PYROXD1: variants seen among roughly 807,000 people sequenced by gnomAD.
PYROXD1 encodes the protein tRNA ligase complex-associated NAD(P)H dehydrogenase PYROXD1.
PYROXD1 carries 42 observed loss-of-function variants against 62.0 expected under a neutral mutation model. The observed-to-expected ratio is 0.68, with a 90% CI of 0.53 to 0.88. The LOEUF (loss-of-function observed/expected upper bound fraction) is 0.88. Among genes scored for constraint, PYROXD1 ranks in the 40% least tolerant of loss-of-function variants. The pLI is 0.00. For synonymous variants in PYROXD1, 170 were observed against 206.4 expected (o/e 0.82, Z 1.51); for missense variants, 493 against 604.8 (o/e 0.82, Z 1.94).
rs35105508 is a variant in PYROXD1 at position 21,440,666 on chromosome 12, CA to C, written c.165+219del. On this transcript the variant is annotated intron_variant, in intron 2 of 11. Transcript: ENST00000240651. ...TTGGATGCCTTTTATTTCTTTCTGT[CA>C]CCTAATTTAATTGCTCTAGCTAGGA... 0.38 allele frequency among the ~76,000 whole-genome samples: 58,004 copies of C among 151,790 alleles called. 11,301 individuals are homozygous for C. The highest frequency in any genetic ancestry group is 0.48 in the Middle Eastern group (139 of 292).
At chr12:21,461,794 G>A (rs1591954392) in intron 8 of PYROXD1, among the ~76,000 whole-genome samples, 1 of 152,088 alleles carries the variant, frequency 6.6e-6, no homozygotes, top group African/African-American at 2.4e-5. Flanking sequence ...AAAATGCCAT[G>A]GTTTTAAAAT....
In PYROXD1 at chr12:21,470,665, T is replaced by C. The variant is rs1942926836; in HGVS notation, c.*1911T>C. 1 of 307,876 alleles carries C rather than the reference T, an allele frequency of 3.2e-6. No individual in the cohort carries two copies. Among genetic ancestry groups the C allele is most frequent in the African/African-American group, 2.2e-5 (1 of 46,038 alleles). 19.1% of individuals were successfully genotyped at this position (307,876 alleles called of 1,614,324 possible). ...AACCACTGGAACAGCAGAAACAGAC[T>C]TCTCAACTATTAGTAATCACAACCA... On this transcript the variant is annotated 3_prime_UTR_variant, in exon 12 of 12. Coordinates refer to ENST00000240651, the MANE Select transcript of PYROXD1 (RefSeq NM_024854.5).
At chr12:21,449,806 C>A in intron 4 of PYROXD1, 115 bp downstream of exon 4, 2 of 803,136 alleles carry the variant, frequency 2.5e-6, no homozygotes, top group Non-Finnish European at 3.9e-6. Context: ...ATTTTTGTTT[C>A]ATGACCAGTA....
chr12:21,465,488 A>G (rs1942774940), intron 10 of PYROXD1, among the ~76,000 whole-genome samples: 2 of 151,578 alleles, frequency 1.3e-5, no homozygotes, highest in South Asian at 2.1e-4. Context: ...GTGTCTGTTC[A>G]TATCCTTCGC....
chr12:21,440,005 A>G (rs142906731), intron 1 of PYROXD1, among the ~76,000 whole-genome samples: 1 of 152,356 alleles, frequency 6.6e-6, no homozygotes, highest in East Asian at 1.9e-4. Flanking sequence ...TAAGATAAAT[A>G]GAAGTTGGTT....
In PYROXD1 at chr12:21,462,076, A is replaced by G; in HGVS notation, c.949A>G (p.Thr317Ala). ...TGGCTGCGATTTCATTGTCAGTGCT[A>G]CAGGAGTTACACCAAATGTAGAACC... ...IYGCDFIVSATGVTPNVEPFL... is the reference protein window; with the variant it reads ...IYGCDFIVSAAGVTPNVEPFL... The change falls in exon 9 of 12, where the codon ACA becomes GCA. Residue 317 changes from threonine (T) to alanine (A), a missense_variant. Coordinates refer to ENST00000240651, the MANE Select transcript of PYROXD1 (RefSeq NM_024854.5). The G allele has an allele frequency of 1.2e-6, 2 of 1,612,942 alleles. No homozygotes were observed. Among genetic ancestry groups the G allele is most frequent in the Non-Finnish European group, 1.7e-6 (2 of 1,179,328 alleles).
At chr12:21,455,391 T>C in intron 6 of PYROXD1, 99 bp downstream of exon 6, 1 of 579,976 alleles carries the variant, frequency 1.7e-6, no homozygotes, top group Non-Finnish European at 2.7e-6. Flanking sequence ...ATTTTGGAAA[T>C]AGTAATATGG....
chr12:21,449,918 C>T (rs1352387564), intron 4 of PYROXD1, among the ~76,000 whole-genome samples: 4 of 149,422 alleles, frequency 2.7e-5, no homozygotes, highest in African/African-American at 7.4e-5. Flanking sequence ...AGTGCAGTGG[C>T]GCAGTCTCGG....
Position 21,456,032 on chromosome 12 carries a change from T to A in PYROXD1, c.687T>A (p.Asp229Glu), listed in dbSNP as rs768328245. 1.2e-6 allele frequency: 2 copies of A among 1,611,798 alleles called. No homozygotes were observed. Among genetic ancestry groups the A allele is most frequent in the South Asian group, 2.2e-5 (2 of 90,690 alleles). ...KKEARSKSKA[D>E]NVGSALGPDW... is the part of the protein sequence containing the mutation. Reference sequence around the variant, plus strand: ...AAGCTAGAAGCAAATCTAAAGCAGATAATGTAGGAAGTGCATTGGGACCAG... The same window carrying A: ...AAGCTAGAAGCAAATCTAAAGCAGAAAATGTAGGAAGTGCATTGGGACCAG... Residue 229 changes from aspartate (D) to glutamate (E), a missense_variant, in exon 7 of 12, where the codon GAT becomes GAA. Asp to Glu is a conservative substitution (Grantham distance 45). Around this residue, in one of 2 missense-constraint regions of PYROXD1, gnomAD observed 329 missense variants for 446.6 expected, o/e 0.74. Coordinates refer to ENST00000240651, the MANE Select transcript of PYROXD1 (RefSeq NM_024854.5).
rs1188680687 is a variant in PYROXD1 at position 21,461,152 on chromosome 12, C to T, written c.878C>T (p.Thr293Ile). 3 of 1,517,162 alleles carry T rather than the reference C, an allele frequency of 2.0e-6. No homozygotes were observed. The highest frequency in any genetic ancestry group is 2.8e-5 in the African/African-American group (2 of 71,166). 94.0% of individuals were successfully genotyped at this position (1,517,162 alleles called of 1,614,324 possible). Residue 293 changes from threonine to isoleucine, a missense_variant and splice_region_variant, in exon 8 of 12, where the codon ACA becomes ATA. This residue lies in a region of PYROXD1 where 329 missense variants were observed against 446.6 expected (regional missense o/e 0.74). Transcript: ENST00000240651. Reference sequence around the variant, plus strand: ...GACCATAAGTCAGTTACAGCTGATACAGGCAAGTAATGAAATAAGAAAAAA... The same window carrying T: ...GACCATAAGTCAGTTACAGCTGATATAGGCAAGTAATGAAATAAGAAAAAA... ...PRDHKSVTAD[T>I]EMWPVYVELT...
intron 8 of PYROXD1, among the ~76,000 whole-genome samples, 168 bp downstream of exon 8, chr12:21,461,322 G>C (rs7297084): frequency 1.4e-5 from 2 of 146,426 alleles, no homozygotes; most frequent in African/African-American, 5.5e-5. Context: ...TCATTTCACT[G>C]TCTGTTGTTT....
intron 7 of PYROXD1, among the ~76,000 whole-genome samples, chr12:21,458,475 A>G (rs1942639086): frequency 6.6e-6 from 1 of 152,220 alleles, no homozygotes; most frequent in African/African-American, 2.4e-5. Context: ...TTACTTCAAG[A>G]ATGTTTCCTT....
Position 21,454,436 on chromosome 12 carries a change from T to G in PYROXD1, c.489-696T>G, listed in dbSNP as rs752892031. The stretch of plus-strand genomic sequence containing the variant: ...GTGATAAATTATGTGATCACCTTAA[T>G]TATAATGGACTTCAGGGACTTTGTG... On this transcript the variant is annotated intron_variant, in intron 5 of 11. Transcript: ENST00000240651. Among the ~76,000 whole-genome samples the G allele has an allele frequency of 2.0e-5, 3 of 152,028 alleles. No individual in the cohort carries two copies. The East Asian group carries it at 5.8e-4, about 29-fold the overall frequency.
chr12:21,447,981 T>TAAAA, intron 3 of PYROXD1: 21 of 274,416 alleles, frequency 7.7e-5, no homozygotes, highest in East Asian at 2.0e-4. Flanking sequence ...AGACTCCATC[T>TAAAA]AAAAAAAAAA....
At chr12:21,453,959 T>A (rs1429679960) in intron 5 of PYROXD1, among the ~76,000 whole-genome samples, 2 of 152,040 alleles carry the variant, frequency 1.3e-5, no homozygotes, top group Non-Finnish European at 2.9e-5. Flanking sequence ...CACTTTCCGC[T>A]GGTCAGTAAT....
In PYROXD1 at chr12:21,469,226, T is replaced by G. The variant is rs1489457001; in HGVS notation, c.*472T>G. On this transcript the variant is annotated 3_prime_UTR_variant, in exon 12 of 12. Transcript: ENST00000240651. ...TTATATTGATGACTTACTCCTTTTT[T>G]GTTGAATTGTACTTCTGGTTTTATA... is the stretch of plus-strand genomic sequence containing the variant. 2 of 157,548 alleles carry G rather than the reference T, an allele frequency of 1.3e-5. No homozygotes were observed. The highest frequency in any genetic ancestry group is 2.8e-5 in the Non-Finnish European group (2 of 71,612). The allele number at this position is 157,548 out of a possible 1,614,324, so 9.8% of individuals were successfully genotyped here.
Position 21,471,128 on chromosome 12 carries a change from A to G in PYROXD1, c.*2374A>G. 6.5e-7 allele frequency: 1 copy of G among 1,541,192 alleles called. No homozygotes were observed. The highest frequency in any genetic ancestry group is 1.3e-5 in the South Asian group (1 of 79,510). The stretch of plus-strand genomic sequence containing the variant: ...AGAAAATAAAGGCCAACAATAAGAA[A>G]GCTTTTGAAGGAATCACGGAAAACA... On this transcript the variant is annotated 3_prime_UTR_variant, in exon 12 of 12. Coordinates refer to ENST00000240651, the MANE Select transcript of PYROXD1 (RefSeq NM_024854.5).
chr12:21,443,050 C>T (rs1468326645), intron 2 of PYROXD1, among the ~76,000 whole-genome samples: 2 of 152,006 alleles, frequency 1.3e-5, no homozygotes, highest in South Asian at 2.1e-4. Flanking sequence ...AGGCTGGTAT[C>T]TCCTACTTAG....
rs11046063 is a variant in PYROXD1 at position 21,452,385 on chromosome 12, A to G, written c.488+231A>G. 0.023 allele frequency among the ~76,000 whole-genome samples: 3,567 copies of G among 152,166 alleles called. 137 individuals are homozygous for G. Among genetic ancestry groups the G allele is most frequent in the African/African-American group, 0.081 (3,344 of 41,524 alleles). On this transcript the variant is annotated intron_variant, in intron 5 of 11. Coordinates refer to ENST00000240651, the MANE Select transcript of PYROXD1 (RefSeq NM_024854.5). ...TTGTAGAAATTTTATTATAAAATAT[A>G]TATGTTTTGGGAATGCTTTAGGTCT...
Sources: allele counts gnomAD v4.1 joint callset (sites outside exome capture counted in the v4.1 genomes callset), GRCh38; gene constraint gnomAD v4.1.1; regional missense constraint gnomAD v4.1.1; transcripts MANE v1.5; gene names NCBI Gene and HGNC (gene_info 2026-07-23, HGNC 2026-07-21).